Variants in AKT3 observed in about 807,000 individuals in gnomAD.
AKT3 encodes RAC-gamma serine/threonine-protein kinase.
Under a neutral mutation model 65.3 loss-of-function variants are expected in AKT3, and 15 were observed. The ratio of observed to expected loss-of-function variants is 0.23; its 90% CI spans 0.15 to 0.35. The LOEUF (loss-of-function observed/expected upper bound fraction) is 0.35. AKT3 is among the 10% of genes least tolerant of loss of function. The pLI is 1.00. For synonymous variants in AKT3, 206 were observed against 183.8 expected, an observed-to-expected ratio of 1.12 and a Z score of -0.98; for missense variants, 243 against 576.5, an observed-to-expected ratio of 0.42 and a Z score of 5.92.
At chr1:243,595,977 G>A (rs1329861953) in intron 8 of AKT3, among the ~76,000 whole-genome samples, 1 of 152,162 alleles carries the variant, frequency 6.6e-6, no homozygotes, top group African/African-American at 2.4e-5. Context: ...ACAACCGGCA[G>A]CACAGGTTTG....
At chr1:243,787,561 G>A (rs1456799053) in intron 2 of AKT3, among the ~76,000 whole-genome samples, 5 of 152,156 alleles carry the variant, frequency 3.3e-5, no homozygotes, top group African/African-American at 1.2e-4. Flanking sequence ...GGTATTCAGA[G>A]CTGAACCAAG....
rs540441022 is a variant in AKT3 at position 243,536,628 on chromosome 1, G to C, written c.1251+8882C>G. Among the ~76,000 whole-genome samples, 3 of 152,202 alleles carry C rather than the reference G, an allele frequency of 2.0e-5. No homozygotes were observed. The East Asian group carries it at 5.8e-4, about 29-fold the overall frequency. ...TGCTGTGTAATTTTATTCTAGGTGA[G>C]ATTTTTTGTAAGGAACATCTAGTTA... On this transcript the variant is annotated intron_variant, in intron 12 of 13. Transcript: ENST00000673466.
At chr1:243,506,578 T>A (rs1249700736) in intron 13 of AKT3, among the ~76,000 whole-genome samples, 2 of 152,242 alleles carry the variant, frequency 1.3e-5, no homozygotes, top group Non-Finnish European at 2.9e-5. Context: ...TTTTCTTTTC[T>A]GTATCCCACT....
chr1:243,493,894 G>A (rs970925058), intron 13 of AKT3, among the ~76,000 whole-genome samples: 1 of 151,886 alleles, frequency 6.6e-6, no homozygotes, highest in Non-Finnish European at 1.5e-5. Flanking sequence ...AAGGGAGAAG[G>A]GAGGTTCTAG....
At chr1:243,600,500 T>G (rs1235349313) in intron 8 of AKT3, among the ~76,000 whole-genome samples, 1 of 152,076 alleles carries the variant, frequency 6.6e-6, no homozygotes, top group African/African-American at 2.4e-5. Flanking sequence ...AGTCCAGAAA[T>G]CGACCCACAC....
intron 4 of AKT3, among the ~76,000 whole-genome samples, chr1:243,662,553 T>C (rs1190237783): frequency 3.9e-5 from 4 of 102,024 alleles, no homozygotes; most frequent in East Asian, 3.2e-4. Flanking sequence ...CTGGGGACTG[T>C]TGTGGGGTGG....
intron 3 of AKT3, among the ~76,000 whole-genome samples, chr1:243,693,844 A>C (rs1421201582): frequency 2.6e-5 from 4 of 152,214 alleles, no homozygotes; most frequent in Admixed American, 2.0e-4. Flanking sequence ...AATACTTTTT[A>C]AAACTAAGGA....
intron 2 of AKT3, among the ~76,000 whole-genome samples, chr1:243,753,193 T>G (rs1008671414): frequency 3.3e-5 from 5 of 152,210 alleles, no homozygotes; most frequent in African/African-American, 2.4e-5. Flanking sequence ...GCCTAAACCT[T>G]TTTAAAAGTA....
chr1:243,746,886 GA>G (rs1250986542), intron 2 of AKT3, among the ~76,000 whole-genome samples: 1 of 147,882 alleles, frequency 6.8e-6, no homozygotes, highest in Non-Finnish European at 1.5e-5. Context: ...TTGTCATGAA[GA>G]ACATGAACAT....
chr1:243,800,446 G>A (rs773952940), intron 2 of AKT3, among the ~76,000 whole-genome samples: 4 of 152,246 alleles, frequency 2.6e-5, no homozygotes, highest in Non-Finnish European at 4.4e-5. Context: ...TGGGCCAGGT[G>A]CAGTGGCTCA....
At chr1:243,730,897 C>T (rs752076510) in intron 2 of AKT3, among the ~76,000 whole-genome samples, 8 of 152,238 alleles carry the variant, frequency 5.3e-5, no homozygotes, top group Non-Finnish European at 1.0e-4. Flanking sequence ...TGCCAGCACC[C>T]AGAGCTGCCT....
chr1:243,552,346 G>A (rs1673143541), intron 11 of AKT3, among the ~76,000 whole-genome samples: 1 of 149,904 alleles, frequency 6.7e-6, no homozygotes, highest in Non-Finnish European at 1.5e-5. Context: ...CAGGTTGCGG[G>A]TGGGAGGAGA....
chr1:243,523,537 C>T (rs540968028), intron 12 of AKT3, among the ~76,000 whole-genome samples: 1 of 152,182 alleles, frequency 6.6e-6, no homozygotes. Context: ...AAAATATTCA[C>T]ATTGAAAATA....
intron 2 of AKT3, among the ~76,000 whole-genome samples, chr1:243,813,380 T>C (rs994607245): frequency 2.6e-5 from 4 of 151,864 alleles, no homozygotes; most frequent in African/African-American, 9.7e-5. Context: ...CAAAATTGGG[T>C]TCAGTGTATA....
chr1:243,700,660 C>A (rs1685391223), intron 2 of AKT3, among the ~76,000 whole-genome samples: 1 of 152,032 alleles, frequency 6.6e-6, no homozygotes, highest in Non-Finnish European at 1.5e-5. Context: ...CGCACCACCA[C>A]ACCCACCCAT....
chr1:243,836,749 A>T (rs1208861749), intron 2 of AKT3, among the ~76,000 whole-genome samples: 2 of 152,048 alleles, frequency 1.3e-5, no homozygotes, highest in African/African-American at 4.8e-5. Flanking sequence ...TGTCTCTACT[A>T]AAAGTAGAAA....
intron 12 of AKT3, among the ~76,000 whole-genome samples, chr1:243,535,538 C>T (rs1671867465): frequency 2.6e-5 from 4 of 152,164 alleles, no homozygotes; most frequent in African/African-American, 7.2e-5. Context: ...CTATATGCTG[C>T]AGAATACATT....
intron 11 of AKT3, chr1:243,548,282 TTGGAG>T (rs1168009866): frequency 5.5e-4 from 84 of 152,322 alleles, no homozygotes; most frequent in Admixed American, 1.5e-3. Flanking sequence ...GAGATGGGAG[TTGGAG>T]TGGAGAATCA....
Position 243,566,455 on chromosome 1 carries a change from A to C in AKT3, c.820-2607T>G, listed in dbSNP as rs146396452. Among the ~76,000 whole-genome samples the C allele has an allele frequency of 4.8e-3, 731 of 152,324 alleles. 6 individuals carry two copies. Among genetic ancestry groups the C allele is most frequent in the African/African-American group, 0.017 (706 of 41,574 alleles). On this transcript the variant is annotated intron_variant, in intron 9 of 13. Coordinates refer to ENST00000673466, the MANE Select transcript of AKT3 (RefSeq NM_005465.7). Reference sequence around the variant, plus strand: ...GGTTACCCTACTTGTTTTATAAATTAGCTTTTAAAAAAATTACAATGATAT... The same window carrying C: ...GGTTACCCTACTTGTTTTATAAATTCGCTTTTAAAAAAATTACAATGATAT...
Sources: gnomAD v4.1 joint callset for allele counts (sites outside exome capture counted in the v4.1 genomes callset) on GRCh38, gnomAD v4.1.1 for gene constraint, MANE v1.5 for transcripts, NCBI Gene and HGNC (gene_info 2026-07-23, HGNC 2026-07-21) for gene names.